GMCL1: variants seen among roughly 807,000 people sequenced by gnomAD.
The protein encoded by GMCL1 is germ cell-less protein-like 1.
A neutral mutation model predicts 75.5 loss-of-function variants in GMCL1; 54 were observed. That is an observed-to-expected ratio of 0.71 (90% CI 0.57 to 0.90). GMCL1 has a LOEUF of 0.90. Ranked by LOEUF, GMCL1 falls within the 40% of genes least tolerant of loss-of-function variation. The pLI, the probability that GMCL1 is intolerant of heterozygous loss-of-function variation, is 0.00. For synonymous variants in GMCL1, 210 were observed against 209.6 expected (o/e 1.00, Z -0.02); for missense variants, 537 against 622.7 (o/e 0.86, Z 1.47).
chr2:69,841,191 A>T (rs1348110436), intron 4 of GMCL1, 152 bp downstream of exon 4: 1 of 586,934 alleles, frequency 1.7e-6, no homozygotes, highest in Non-Finnish European at 2.9e-6. Flanking sequence ...ATCATTTAAA[A>T]TGCCTAACCA....
At chr2:69,841,295 GA>G (rs1218123090) in intron 4 of GMCL1, among the ~76,000 whole-genome samples, 1 of 151,462 alleles carries the variant, frequency 6.6e-6, no homozygotes, top group African/African-American at 2.4e-5. Flanking sequence ...CTATAATGTG[GA>G]AAAAACGTAC....
At chr2:69,865,584 G>A (rs148727915) in intron 11 of GMCL1, among the ~76,000 whole-genome samples, 3,321 of 151,940 alleles carry the variant, frequency 0.022, 50 homozygotes, top group Non-Finnish European at 0.036. Context: ...GGAGGCAGAG[G>A]TTGCAGTAAG....
chr2:69,871,028 C>T (rs1675966953), intron 12 of GMCL1, among the ~76,000 whole-genome samples: 1 of 152,078 alleles, frequency 6.6e-6, no homozygotes, highest in African/African-American at 2.4e-5. Flanking sequence ...TTCTATAGAC[C>T]AGAAGAATTG....
rs1676264811 is a variant in GMCL1, at chr2:69,881,148, T to A, written c.*2144T>A. ...ATTTATATGTGGTTTCATCCATTGGTTCTGTCCTGGCCAAGTTGCTTATGT... is the reference window on the plus strand; with the variant it reads ...ATTTATATGTGGTTTCATCCATTGGATCTGTCCTGGCCAAGTTGCTTATGT... On this transcript the variant is annotated 3_prime_UTR_variant, in exon 14 of 14. Coordinates refer to ENST00000282570, the MANE Select transcript of GMCL1 (RefSeq NM_178439.5). 1 of 152,230 alleles carries A rather than the reference T, an allele frequency of 6.6e-6. No individual in the cohort carries two copies. Among genetic ancestry groups the A allele is most frequent in the Admixed American group, 6.5e-5 (1 of 15,284 alleles). 9.4% of individuals were successfully genotyped at this position (152,230 alleles called of 1,614,324 possible).
rs563964713 is a variant in GMCL1 at position 69,837,490 on chromosome 2, A to G, written c.261-57A>G. ...AAGGAGTATTTAGAAATATATGCAA[A>G]ATCAGTAAAACATTCAGTTTTATAT... On this transcript the variant is annotated intron_variant, in intron 1 of 13. Coordinates refer to ENST00000282570, the MANE Select transcript of GMCL1 (RefSeq NM_178439.5). 9.4e-5 allele frequency: 120 copies of G among 1,272,104 alleles called. No individual in the cohort carries two copies. The African/African-American group carries it at 1.7e-3, about 18-fold the overall frequency. 78.8% of individuals were successfully genotyped at this position (1,272,104 alleles called of 1,614,324 possible).
At chr2:69,846,675 C>T (rs1675157005) in intron 6 of GMCL1, among the ~76,000 whole-genome samples, 1 of 152,118 alleles carries the variant, frequency 6.6e-6, no homozygotes, top group African/African-American at 2.4e-5. Context: ...CAAAACAAAA[C>T]AAATAACTGG....
At chr2:69,846,588 G>A (rs954444279) in intron 6 of GMCL1, among the ~76,000 whole-genome samples, 1 of 152,098 alleles carries the variant, frequency 6.6e-6, no homozygotes, top group Non-Finnish European at 1.5e-5. Context: ...TTTTGAAAAA[G>A]GAGCAGGATC....
rs1468220352 is a variant in GMCL1 at position 69,879,855 on chromosome 2, T to G, written c.*851T>G. 6.6e-6 allele frequency: 1 copy of G among 152,220 alleles called. No individual in the cohort carries two copies. The highest frequency in any genetic ancestry group is 6.5e-5 in the Admixed American group (1 of 15,288). 9.4% of individuals were successfully genotyped at this position (152,220 alleles called of 1,614,324 possible). On this transcript the variant is annotated 3_prime_UTR_variant, in exon 14 of 14. Coordinates refer to ENST00000282570, the MANE Select transcript of GMCL1 (RefSeq NM_178439.5). ...TATTATAGTTTTAAACATTTTAATA[T>G]TCTCTGATCTTTAGAATTATTTATG...
intron 11 of GMCL1, among the ~76,000 whole-genome samples, chr2:69,867,435 G>A (rs534668514): frequency 3.9e-5 from 6 of 152,054 alleles, no homozygotes; most frequent in South Asian, 2.1e-4. Context: ...CAGGCATCCC[G>A]TTTTCAGACC....
At chr2:69,872,976 G>A (rs1676024656) in intron 13 of GMCL1, among the ~76,000 whole-genome samples, 2 of 152,204 alleles carry the variant, frequency 1.3e-5, no homozygotes, top group African/African-American at 4.8e-5. Flanking sequence ...GCTAGAAGTA[G>A]AAGAAATAAA....
At chr2:69,872,040 G>T (rs768592716) in intron 13 of GMCL1, among the ~76,000 whole-genome samples, 1 of 152,122 alleles carries the variant, frequency 6.6e-6, no homozygotes, top group Non-Finnish European at 1.5e-5. Context: ...GAGAAAAAAA[G>T]AAAACACTGT....
At chr2:69,869,342 C>T (rs1256713378) in intron 11 of GMCL1, among the ~76,000 whole-genome samples, 3 of 144,692 alleles carry the variant, frequency 2.1e-5, no homozygotes, top group African/African-American at 5.1e-5. Context: ...CGCTTGAACC[C>T]GGGAGGTGGA....
intron 8 of GMCL1, among the ~76,000 whole-genome samples, chr2:69,850,168 A>C (rs1675273485): frequency 6.6e-6 from 1 of 152,132 alleles, no homozygotes; most frequent in African/African-American, 2.4e-5. Flanking sequence ...CTGACTCCCA[A>C]AAGTGGGTAC....
chr2:69,853,773 A>G (rs1367876906), intron 8 of GMCL1, among the ~76,000 whole-genome samples: 1 of 151,138 alleles, frequency 6.6e-6, no homozygotes, highest in Non-Finnish European at 1.5e-5. Flanking sequence ...AAGAAAAAAA[A>G]TTATATACTT....
intron 9 of GMCL1, among the ~76,000 whole-genome samples, chr2:69,855,424 AC>A (rs1193694159): frequency 1.5e-4 from 23 of 152,068 alleles, no homozygotes; most frequent in East Asian, 1.9e-4. Context: ...CTACTGATTT[AC>A]CTTTCTGAGT....
intron 10 of GMCL1, among the ~76,000 whole-genome samples, chr2:69,863,311 G>GAT (rs1233821006): frequency 1.3e-5 from 2 of 152,174 alleles, no homozygotes; most frequent in African/African-American, 4.8e-5. Context: ...AACTGTATAT[G>GAT]ATATATCCCC....
chr2:69,845,239 CA>C (rs1464385932), intron 6 of GMCL1, among the ~76,000 whole-genome samples: 1 of 152,230 alleles, frequency 6.6e-6, no homozygotes, highest in Admixed American at 6.5e-5. Flanking sequence ...TGGTCAGACG[CA>C]GCACAGCGCA....
chr2:69,869,929 G>A, intron 12 of GMCL1, 65 bp downstream of exon 12: 2 of 1,504,154 alleles, frequency 1.3e-6, no homozygotes, highest in South Asian at 1.2e-5. Flanking sequence ...ATAAAACCTT[G>A]ATAATTTACA....
chr2:69,829,763 A>C lies in GMCL1; in HGVS notation c.-130A>C. ...GATGGAGACTGTGGCGTCCGCTGCA[A>C]CGGTTGGGGCTGCGCGTGAGAAGGT... is the stretch of plus-strand genomic sequence containing the variant. On this transcript the variant is annotated 5_prime_UTR_variant, in exon 1 of 14. Transcript: ENST00000282570. 1.9e-6 allele frequency: 2 copies of C among 1,065,338 alleles called. No individual in the cohort carries two copies. Among genetic ancestry groups the C allele is most frequent in the South Asian group, 1.7e-5 (1 of 59,340 alleles). The allele number at this position is 1,065,338 out of a possible 1,614,324, so 66.0% of individuals were successfully genotyped here. A position where few individuals can be genotyped will look rare whatever the true frequency, so the allele number is the denominator to read the frequency against.
Sources: allele counts gnomAD v4.1 joint callset (sites outside exome capture counted in the v4.1 genomes callset), GRCh38; gene constraint gnomAD v4.1.1; transcripts MANE v1.5; gene names NCBI Gene and HGNC (gene_info 2026-07-23, HGNC 2026-07-21).